The following FKTN variants were observed in gnomAD, a reference collection of about 807,000 sequenced individuals.
FKTN encodes the protein fukutin.
Under a neutral mutation model 58.6 loss-of-function variants are expected in FKTN, and 47 were observed. The ratio of observed to expected loss-of-function variants is 0.80; its 90% CI spans 0.63 to 1.02. The LOEUF is 1.02. Ranked by LOEUF, FKTN falls within the 50% of genes least tolerant of loss-of-function variation. The pLI is 0.00. For missense variants in FKTN, 516 were observed against 537.3 expected, an observed-to-expected ratio of 0.96 and a Z score of 0.39; for synonymous variants, 178 against 191.9, an observed-to-expected ratio of 0.93 and a Z score of 0.60.
chr9:105,624,378 A>G (rs1277275504), intron 10 of FKTN: 1 of 152,188 alleles, frequency 6.6e-6, no homozygotes, highest in Non-Finnish European at 1.5e-5. Context: ...CTTTAATCCC[A>G]GCACTTCGGG....
chr9:105,575,497 G>A (rs931410406), intron 3 of FKTN, among the ~76,000 whole-genome samples: 3 of 152,088 alleles, frequency 2.0e-5, no homozygotes, highest in African/African-American at 7.2e-5. Context: ...ACCTACTGGG[G>A]AAGTATAATG....
chr9:105,577,931 A>G (rs1842060616), intron 3 of FKTN, among the ~76,000 whole-genome samples: 2 of 151,500 alleles, frequency 1.3e-5, no homozygotes, highest in Non-Finnish European at 2.9e-5. Context: ...CTTTGAAGCA[A>G]TTATGAATAG....
chr9:105,582,065 C>G (rs1045238783), intron 3 of FKTN, among the ~76,000 whole-genome samples: 2 of 152,160 alleles, frequency 1.3e-5, no homozygotes, highest in Non-Finnish European at 2.9e-5. Flanking sequence ...CGCCCACTGT[C>G]TGGCACTCCC....
At chr9:105,588,659 A>G (rs1371094958) in intron 3 of FKTN, among the ~76,000 whole-genome samples, 1 of 152,188 alleles carries the variant, frequency 6.6e-6, no homozygotes, top group Non-Finnish European at 1.5e-5. Context: ...AGCCTTTGTA[A>G]TCTTTCTTCT....
chr9:105,571,274 G>A (rs1018962909), intron 1 of FKTN, among the ~76,000 whole-genome samples: 1 of 152,066 alleles, frequency 6.6e-6, no homozygotes, highest in Non-Finnish European at 1.5e-5. Context: ...TATTTTAAAG[G>A]TAAAATCAAC....
In FKTN at chr9:105,579,376, C is replaced by T. The variant is rs556983380; in HGVS notation, c.105+4239C>T. On this transcript the variant is annotated intron_variant, in intron 3 of 10. Coordinates refer to ENST00000357998, the MANE Select transcript of FKTN (RefSeq NM_001079802.2). ...TTCTGGTATGTCGTGTCTTTGTTCTCGTTGGTTTCAAAGAACATCTTTATT... is the reference window on the plus strand; with the variant it reads ...TTCTGGTATGTCGTGTCTTTGTTCTTGTTGGTTTCAAAGAACATCTTTATT... Among the ~76,000 whole-genome samples, 429 of 152,138 alleles carry T rather than the reference C, an allele frequency of 2.8e-3. 1 individual carries two copies. Among genetic ancestry groups the T allele is most frequent in the African/African-American group, 9.8e-3 (405 of 41,476 alleles).
intron 7 of FKTN, among the ~76,000 whole-genome samples, chr9:105,609,813 C>G (rs1453054708): frequency 6.6e-6 from 1 of 152,134 alleles, no homozygotes; most frequent in Non-Finnish European, 1.5e-5. Flanking sequence ...TGTTGATATT[C>G]ACATTGTTCA....
chr9:105,631,538 C>T (rs1319110951), intron 10 of FKTN, among the ~76,000 whole-genome samples: 3 of 151,916 alleles, frequency 2.0e-5, no homozygotes, highest in Admixed American at 6.5e-5. Context: ...GGCTAATATC[C>T]ACAATCTACA....
rs1830602790 is a variant in FKTN, at chr9:105,615,203, T to G, written c.781-75T>G. 3 of 1,527,102 alleles carry G rather than the reference T, an allele frequency of 2.0e-6. No individual in the cohort carries two copies. In the Admixed American group the frequency reaches 5.0e-5, roughly 26 times the overall value. 94.6% of individuals were successfully genotyped at this position (1,527,102 alleles called of 1,614,324 possible). On this transcript the variant is annotated intron_variant, in intron 7 of 10. Coordinates refer to ENST00000357998, the MANE Select transcript of FKTN (RefSeq NM_001079802.2). ...CCAGCCTGGGGTTAATTTTCAAATT[T>G]AATTCAGATGCCACAGAAAGGTTCC...
intron 10 of FKTN, chr9:105,633,209 G>A (rs1010512702): frequency 3.3e-5 from 5 of 152,104 alleles, no homozygotes; most frequent in African/African-American, 7.2e-5. Flanking sequence ...AATTGTCTTC[G>A]AATTATTTTC....
At chr9:105,588,477 A>G (rs549837807) in intron 3 of FKTN, among the ~76,000 whole-genome samples, 2 of 152,376 alleles carry the variant, frequency 1.3e-5, no homozygotes, top group South Asian at 2.1e-4. Context: ...GCTATGAAAC[A>G]AATGATCAGT....
intron 10 of FKTN, among the ~76,000 whole-genome samples, chr9:105,625,868 A>G (rs939546278): frequency 6.6e-6 from 1 of 151,796 alleles, no homozygotes; most frequent in Non-Finnish European, 1.5e-5. Context: ...AGCACCCCAG[A>G]AACCCATATC....
chr9:105,632,562 T>C (rs1833616049), intron 10 of FKTN, among the ~76,000 whole-genome samples: 1 of 152,040 alleles, frequency 6.6e-6, no homozygotes, highest in Admixed American at 6.6e-5. Context: ...AGAACTTCCT[T>C]TTCATTTAGC....
intron 3 of FKTN, among the ~76,000 whole-genome samples, chr9:105,582,076 T>C (rs1267847751): frequency 6.6e-6 from 1 of 152,038 alleles, no homozygotes; most frequent in Non-Finnish European, 1.5e-5. Context: ...TGGCACTCCC[T>C]AGTGAGATGA....
At chr9:105,582,067 G>A (rs1310168583) in intron 3 of FKTN, among the ~76,000 whole-genome samples, 1 of 152,108 alleles carries the variant, frequency 6.6e-6, no homozygotes, top group Non-Finnish European at 1.5e-5. Flanking sequence ...CCCACTGTCT[G>A]GCACTCCCTA....
At chr9:105,561,405 T>G (rs539537808) in intron 1 of FKTN, among the ~76,000 whole-genome samples, 1 of 152,178 alleles carries the variant, frequency 6.6e-6, no homozygotes, top group Non-Finnish European at 1.5e-5. Flanking sequence ...TAAAAAAAAC[T>G]TAGTTTTTTT....
At chr9:105,582,188 T>A (rs1316539131) in intron 3 of FKTN, among the ~76,000 whole-genome samples, 4 of 152,026 alleles carry the variant, frequency 2.6e-5, no homozygotes, top group African/African-American at 9.7e-5. Context: ...TCTTGGCTCC[T>A]ACCCGAAACT....
intron 2 of FKTN, among the ~76,000 whole-genome samples, chr9:105,574,635 T>C (rs1409497231): frequency 6.6e-6 from 1 of 152,072 alleles, no homozygotes; most frequent in East Asian, 1.9e-4. Flanking sequence ...GAAATGAAAA[T>C]TCTGAGGTCT....
rs1330777532 is a variant in FKTN, at chr9:105,638,664, G to A, written c.*3400G>A. The A allele has an allele frequency of 1.0e-6, 1 of 985,118 alleles. No individual in the cohort carries two copies. Among genetic ancestry groups the A allele is most frequent in the Admixed American group, 6.2e-5 (1 of 16,250 alleles). 61.0% of individuals were successfully genotyped at this position (985,118 alleles called of 1,614,324 possible). A position where few individuals can be genotyped will look rare whatever the true frequency, so the allele number is the denominator to read the frequency against. On this transcript the variant is annotated 3_prime_UTR_variant, in exon 11 of 11. Transcript: ENST00000357998. ...CAAAAAAGAATAATAGATGTAACTG[G>A]AGTCACTTTGCAGTTTTCAAGATTT... is the stretch of plus-strand genomic sequence containing the variant.
Sources: allele counts gnomAD v4.1 joint callset (sites outside exome capture counted in the v4.1 genomes callset), GRCh38; gene constraint gnomAD v4.1.1; transcripts MANE v1.5; gene names NCBI Gene and HGNC (gene_info 2026-07-23, HGNC 2026-07-21).